The following CCDC82 variants were observed in gnomAD, a reference collection of about 807,000 sequenced individuals.
CCDC82 encodes the protein coiled-coil domain-containing protein 82.
CCDC82 carries 47 observed loss-of-function variants against 60.6 expected under a neutral mutation model. The ratio of observed to expected loss-of-function variants is 0.77; its 90% CI spans 0.61 to 0.99. The LOEUF is 0.99. CCDC82 is among the 50% of genes least tolerant of loss of function. The pLI is 0.00. For synonymous variants in CCDC82, 212 were observed against 207.4 expected (o/e 1.02, Z -0.19); for missense variants, 588 against 633.0 (o/e 0.93, Z 0.76).
intron 7 of CCDC82, among the ~76,000 whole-genome samples, chr11:96,367,219 A>T (rs1327882215): frequency 6.6e-6 from 1 of 152,230 alleles, no homozygotes; most frequent in Non-Finnish European, 1.5e-5. Context: ...AGACAACAAT[A>T]AAGTTTGTTG....
intron 4 of CCDC82, 51 bp downstream of exon 4, chr11:96,383,911 T>C (rs1866022995): frequency 6.6e-7 from 1 of 1,508,916 alleles, no homozygotes; most frequent in Non-Finnish European, 8.9e-7. Context: ...AATTAAATAC[T>C]TTAAGAAAAA....
rs546822466 is a variant in CCDC82 at position 96,356,910 on chromosome 11, G to C, written c.1566+2083C>G. ...AGTAAGGTGTGGAATACAAGCTGGA[G>C]GCAGAAAGACAGGAACAAATAGTAC... is the stretch of plus-strand genomic sequence containing the variant. On this transcript the variant is annotated intron_variant, in intron 9 of 9. Coordinates refer to ENST00000646818, the MANE Select transcript of CCDC82 (RefSeq NM_024725.4). 70 of 985,404 alleles carry C rather than the reference G, an allele frequency of 7.1e-5. No homozygotes were observed. The South Asian group carries it at 2.1e-3, about 29-fold the overall frequency. The allele number at this position is 985,404 out of a possible 1,614,324, so 61.0% of individuals were successfully genotyped here. A position where few individuals can be genotyped will look rare whatever the true frequency, so the allele number is the denominator to read the frequency against.
At chr11:96,386,149 A>G (rs1866179167) in intron 3 of CCDC82, 105 bp downstream of exon 3, 1 of 152,288 alleles carries the variant, frequency 6.6e-6, no homozygotes, top group Admixed American at 6.5e-5. Flanking sequence ...ACTTAAGAAG[A>G]TGAGAATTAA....
intron 7 of CCDC82, among the ~76,000 whole-genome samples, chr11:96,367,483 A>G (rs1323745928): frequency 1.3e-5 from 2 of 152,186 alleles, no homozygotes; most frequent in East Asian, 1.9e-4. Flanking sequence ...CGTAAGAAGC[A>G]ACTCCTCATC....
At chr11:96,389,050 A>C (rs1866378446) in intron 1 of CCDC82, 1 of 152,238 alleles carries the variant, frequency 6.6e-6, no homozygotes, top group African/African-American at 2.4e-5. Flanking sequence ...ATTAAGATCA[A>C]GTTCTTATCA....
chr11:96,380,119 A>AG (rs1865790910), intron 5 of CCDC82, among the ~76,000 whole-genome samples: 1 of 151,800 alleles, frequency 6.6e-6, no homozygotes, highest in African/African-American at 2.4e-5. Flanking sequence ...TTTGGCAATT[A>AG]GGAGGGTATC....
chr11:96,368,756 C>T (rs565180319), intron 7 of CCDC82, among the ~76,000 whole-genome samples: 1 of 152,124 alleles, frequency 6.6e-6, no homozygotes, highest in South Asian at 2.1e-4. Flanking sequence ...GTCCCAGCTC[C>T]TCAGGAGGCT....
chr11:96,355,294 A>G (rs914946838), intron 9 of CCDC82: 2 of 152,176 alleles, frequency 1.3e-5, no homozygotes, highest in Admixed American at 1.3e-4. Flanking sequence ...TCCTGGGCTC[A>G]GGCGATTCTA....
At chr11:96,359,210 A>G (rs1864503290) in intron 8 of CCDC82, 32 bp from the exon 9 acceptor site, 1 of 1,520,350 alleles carries the variant, frequency 6.6e-7, no homozygotes, top group Non-Finnish European at 8.8e-7. Context: ...GTTATCTGAC[A>G]ACGAATATAT....
chr11:96,387,839 A>G (rs1395267439), intron 1 of CCDC82: 1 of 152,232 alleles, frequency 6.6e-6, no homozygotes, highest in East Asian at 1.9e-4. Context: ...GAGTATTTGC[A>G]GACTTCCCTC....
intron 8 of CCDC82, chr11:96,363,015 T>C (rs1335023319): frequency 1.3e-5 from 2 of 151,406 alleles, no homozygotes; most frequent in Admixed American, 6.6e-5. Flanking sequence ...CAGGCTGGAG[T>C]GCAGTGGCGC....
chr11:96,369,393 T>A (rs1865134453), intron 7 of CCDC82, among the ~76,000 whole-genome samples: 1 of 152,216 alleles, frequency 6.6e-6, no homozygotes, highest in Non-Finnish European at 1.5e-5. Context: ...CATTTCTCAC[T>A]TTAGATTTAA....
At chr11:96,356,841 G>C in intron 9 of CCDC82, 1 of 985,312 alleles carries the variant, frequency 1.0e-6, no homozygotes, top group Non-Finnish European at 1.2e-6. Flanking sequence ...GAGACATCCT[G>C]AGATAATTAA....
At chr11:96,359,642 TAAAAA>T (rs139619843) in intron 8 of CCDC82, among the ~76,000 whole-genome samples, 27 of 81,358 alleles carry the variant, frequency 3.3e-4, no homozygotes, top group African/African-American at 8.7e-4. Flanking sequence ...ATGGGCAAAG[TAAAAA>T]AAAAAAAAAA....
At chr11:96,358,966 G>T in intron 9 of CCDC82, 27 bp downstream of exon 9, 1 of 1,541,854 alleles carries the variant, frequency 6.5e-7, no homozygotes, top group Non-Finnish European at 8.8e-7. Context: ...GAATCTACAT[G>T]ATAAGATTCT....
chr11:96,354,375 G>C (rs943655325), intron 9 of CCDC82: 2 of 152,202 alleles, frequency 1.3e-5, no homozygotes, highest in Non-Finnish European at 2.9e-5. Context: ...TAGGAGAACA[G>C]AGAGAGCTAA....
intron 5 of CCDC82, among the ~76,000 whole-genome samples, chr11:96,377,917 CAT>C (rs1470265135): frequency 4.6e-5 from 7 of 151,982 alleles, no homozygotes; most frequent in African/African-American, 1.7e-4. Flanking sequence ...ACCTTGAATT[CAT>C]ATCTTATGTT....
In CCDC82 at chr11:96,386,305, G is replaced by A. The variant is rs561603200; in HGVS notation, c.-54-12C>T. The A allele has an allele frequency of 1.3e-5, 2 of 152,340 alleles. No individual in the cohort carries two copies. Among genetic ancestry groups the A allele is most frequent in the African/African-American group, 2.4e-5 (1 of 41,424 alleles). The allele number at this position is 152,340 out of a possible 1,614,324, so 9.4% of individuals were successfully genotyped here. ...GGATTACTTTTTTCCTATAGATTGTGGAAGAGAGGATACAGCTCATTTAAT... is the reference window on the plus strand; with the variant it reads ...GGATTACTTTTTTCCTATAGATTGTAGAAGAGAGGATACAGCTCATTTAAT... On this transcript the variant is annotated splice_polypyrimidine_tract_variant and intron_variant, in intron 2 of 9. Transcript: ENST00000646818.
intron 8 of CCDC82, among the ~76,000 whole-genome samples, chr11:96,359,439 T>C (rs933775580): frequency 1.3e-5 from 2 of 152,016 alleles, no homozygotes; most frequent in African/African-American, 2.4e-5. Context: ...GAAAGACAAA[T>C]GGTTACAAAA....
Sources: gnomAD v4.1 joint callset for allele counts (sites outside exome capture counted in the v4.1 genomes callset) on GRCh38, gnomAD v4.1.1 for gene constraint, MANE v1.5 for transcripts, NCBI Gene and HGNC (gene_info 2026-07-23, HGNC 2026-07-21) for gene names.